The following SGSM1 variants were observed in gnomAD, a reference collection of about 807,000 sequenced individuals.
SGSM1 encodes RUN and TBC1 domain containing 2.
In SGSM1, 73 loss-of-function variants were observed where a neutral mutation model predicts 133.8. That is an observed-to-expected ratio of 0.55 (90% CI 0.45 to 0.66). SGSM1 has a LOEUF of 0.66. Among genes scored for constraint, SGSM1 ranks in the 30% least tolerant of loss-of-function variants. The pLI, the probability that SGSM1 is intolerant of heterozygous loss-of-function variation, is 0.00. For missense variants in SGSM1, 1,213 were observed against 1,448.1 expected, an observed-to-expected ratio of 0.84 and a Z score of 2.64; for synonymous variants, 563 against 573.0, an observed-to-expected ratio of 0.98 and a Z score of 0.25.
At chr22:24,879,392 T>A in intron 13 of SGSM1, 70 bp from the exon 14 acceptor site, 2 of 1,491,606 alleles carry the variant, frequency 1.3e-6, no homozygotes, top group Middle Eastern at 1.8e-4. Flanking sequence ...TAGCACGTGG[T>A]TATCCTCTCC....
chr22:24,881,020 G>A (rs573621999), intron 14 of SGSM1, among the ~76,000 whole-genome samples: 14 of 151,852 alleles, frequency 9.2e-5, no homozygotes, highest in East Asian at 3.9e-4. Flanking sequence ...GTGAAACCCC[G>A]TCTCTACTAA....
rs765680031 is a variant in SGSM1, at chr22:24,855,663, A to G, written c.784A>G (p.Asn262Asp). 2 of 1,613,810 alleles carry G rather than the reference A, an allele frequency of 1.2e-6. No homozygotes were observed. The highest frequency in any genetic ancestry group is 2.7e-5 in the African/African-American group (2 of 74,892). Residue 262 changes from asparagine to aspartate, a missense_variant, in exon 8 of 25, where the codon AAC becomes GAC. By Grantham distance (23) the Asn-to-Asp change is conservative. Transcript: ENST00000400358. ...SRATLLYGKN[N>D]VLVQPRDDME... ...TGCCACCCTTCTCTATGGCAAAAAC[A>G]ACGTTCTTGTTCAGCCGGTGAGAGG...
chr22:24,895,943 G>A (rs1015735907), intron 18 of SGSM1, among the ~76,000 whole-genome samples: 1 of 152,044 alleles, frequency 6.6e-6, no homozygotes, highest in Non-Finnish European at 1.5e-5. Flanking sequence ...CAGCTGCTCC[G>A]GAGGCTAAGG....
At chr22:24,856,764 T>G (rs1266548938) in intron 8 of SGSM1, among the ~76,000 whole-genome samples, 4 of 151,226 alleles carry the variant, frequency 2.6e-5, no homozygotes, top group Non-Finnish European at 5.9e-5. Flanking sequence ...ATACAGTTTC[T>G]TTTCTTTTTT....
intron 15 of SGSM1, 76 bp downstream of exon 15, chr22:24,884,274 C>T: frequency 1.3e-6 from 2 of 1,517,076 alleles, no homozygotes; most frequent in East Asian, 2.3e-5. Flanking sequence ...AGAAATAAGC[C>T]CACATGCTTG....
chr22:24,927,317 A>T lies in SGSM1; in HGVS notation c.*3043A>T, dbSNP rs1934235504. ...CATGGCTATGATAGCAGATCCCAGA[A>T]GGTAAGCAGAAACACACACTGTCTC... On this transcript the variant is annotated 3_prime_UTR_variant, in exon 25 of 25. Transcript: ENST00000400358. The T allele has an allele frequency of 6.6e-6, 1 of 152,234 alleles. No individual in the cohort carries two copies. Among genetic ancestry groups the T allele is most frequent in the African/African-American group, 2.4e-5 (1 of 41,464 alleles). The allele number at this position is 152,234 out of a possible 1,614,324, so 9.4% of individuals were successfully genotyped here.
At chr22:24,843,171 A>G (rs1001198594) in intron 2 of SGSM1, among the ~76,000 whole-genome samples, 5 of 152,002 alleles carry the variant, frequency 3.3e-5, no homozygotes, top group African/African-American at 7.3e-5. Context: ...GCCTCCCTAG[A>G]TAGTTTTCAG....
intron 9 of SGSM1, among the ~76,000 whole-genome samples, chr22:24,864,681 A>G (rs1344273208): frequency 6.6e-6 from 1 of 152,206 alleles, no homozygotes; most frequent in Non-Finnish European, 1.5e-5. Flanking sequence ...GTGGGTGGGA[A>G]GGAAGACTGA....
intron 2 of SGSM1, chr22:24,813,800 T>C (rs1367233945): frequency 1.3e-5 from 2 of 152,228 alleles, no homozygotes; most frequent in East Asian, 1.9e-4. Context: ...CTGTGTCTCT[T>C]GTACCATATG....
intron 16 of SGSM1, among the ~76,000 whole-genome samples, chr22:24,890,816 ACAGGCGTGAGCCAACTACCCC>A (rs1184414386): frequency 6.6e-6 from 1 of 152,234 alleles, no homozygotes; most frequent in Non-Finnish European, 1.5e-5. Context: ...TCCTGGGATT[ACAGGCGTGAGCCAACTACCCC>A]CAGCCTAAAA....
chr22:24,860,207 G>T (rs1321197222), intron 9 of SGSM1, among the ~76,000 whole-genome samples: 3 of 152,184 alleles, frequency 2.0e-5, no homozygotes, highest in Non-Finnish European at 4.4e-5. Context: ...GGAGGTGTTA[G>T]CGAGCATCTG....
At chr22:24,857,858 C>T (rs1157222660) in intron 8 of SGSM1, among the ~76,000 whole-genome samples, 1 of 152,216 alleles carries the variant, frequency 6.6e-6, no homozygotes, top group Non-Finnish European at 1.5e-5. Flanking sequence ...GTATAGCTTA[C>T]AGAACCAAAC....
At position 24,898,529 on chromosome 22, in the gene SGSM1, C is replaced by T; in HGVS notation, c.2580C>T (p.Ser860=). The T allele has an allele frequency of 1.9e-6, 3 of 1,611,130 alleles. No homozygotes were observed. Among genetic ancestry groups the T allele is most frequent in the Non-Finnish European group, 2.5e-6 (3 of 1,178,252 alleles). ...LAVTTSANEV[S]PVSSSGVTYS... ...TGACTACTTCTGCCAACGAGGTGTC[C>T]CCTGTGTCTTCCAGCGGCGTCACCT... is the stretch of plus-strand genomic sequence containing the variant. Residue 860 remains serine (S), a synonymous_variant, in exon 19 of 25, where the codon TCC becomes TCT. Transcript: ENST00000400358.
intron 22 of SGSM1, among the ~76,000 whole-genome samples, chr22:24,917,427 T>C (rs889015630): frequency 6.6e-6 from 1 of 152,230 alleles, no homozygotes; most frequent in Non-Finnish European, 1.5e-5. Context: ...TGGTTTTGAA[T>C]TGCATTTTCC....
chr22:24,914,166 G>T (rs1290934582), intron 22 of SGSM1, among the ~76,000 whole-genome samples: 1 of 151,876 alleles, frequency 6.6e-6, no homozygotes, highest in Non-Finnish European at 1.5e-5. Context: ...GGTGGCGGGT[G>T]CCTAAAGTCC....
At chr22:24,913,744 G>T (rs1933717987) in intron 22 of SGSM1, among the ~76,000 whole-genome samples, 1 of 152,204 alleles carries the variant, frequency 6.6e-6, no homozygotes, top group Admixed American at 6.5e-5. Context: ...CATAGGCCTG[G>T]GGTGGTGGTT....
intron 12 of SGSM1, chr22:24,874,341 T>A: frequency 1.4e-6 from 2 of 1,480,430 alleles, no homozygotes; most frequent in Non-Finnish European, 1.8e-6. Context: ...AGAAACTGGC[T>A]CTTCCAGCTG....
chr22:24,898,265 C>T lies in SGSM1; in HGVS notation c.2316C>T (p.Pro772=), dbSNP rs761415925. Residue 772 remains proline (P), a synonymous_variant, in exon 19 of 25, where the codon CCC becomes CCT. Transcript: ENST00000400358. ...SEATTSQDEA[P]REELAVQDSL... is the part of the protein sequence containing the mutation. ...CCACCACATCTCAGGATGAGGCTCC[C>T]CGGGAGGAGCTGGCCGTGCAGGACA... The T allele has an allele frequency of 1.2e-6, 2 of 1,613,812 alleles. No individual in the cohort carries two copies. The highest frequency in any genetic ancestry group is 1.7e-6 in the Non-Finnish European group (2 of 1,179,794).
At chr22:24,845,072 T>C (rs1930020403) in intron 3 of SGSM1, 100 bp downstream of exon 3, 1 of 1,151,964 alleles carries the variant, frequency 8.7e-7, no homozygotes, top group Admixed American at 2.2e-5. Context: ...CTGAAGTTAG[T>C]TTTGGATTCC....
Sources: gnomAD v4.1 joint callset for allele counts (sites outside exome capture counted in the v4.1 genomes callset) on GRCh38, gnomAD v4.1.1 for gene constraint, MANE v1.5 for transcripts, NCBI Gene and HGNC (gene_info 2026-07-23, HGNC 2026-07-21) for gene names.